Variants in RASSF6 observed in about 807,000 individuals in gnomAD.
The protein encoded by RASSF6 is Ras association domain family member 6.
RASSF6 carries 52 observed loss-of-function variants against 44.0 expected under a neutral mutation model. The ratio of observed to expected loss-of-function variants is 1.18; its 90% CI spans 0.95 to 1.49. RASSF6 has a LOEUF of 1.49. RASSF6 is among the 40% of genes most tolerant of loss of function. RASSF6 has a pLI of 0.00. For synonymous variants in RASSF6, 162 were observed against 124.6 expected (o/e 1.30, Z -2.00); for missense variants, 464 against 393.3 (o/e 1.18, Z -1.52).
Position 73,620,313 on chromosome 4 carries a change from G to T in RASSF6, c.-60C>A, listed in dbSNP as rs2149404078. 3 of 1,468,574 alleles carry T rather than the reference G, an allele frequency of 2.0e-6. No homozygotes were observed. Among genetic ancestry groups the T allele is most frequent in the Admixed American group, 6.1e-5 (2 of 33,042 alleles). The allele number at this position is 1,468,574 out of a possible 1,614,324, so 91.0% of individuals were successfully genotyped here. A position where few individuals can be genotyped will look rare whatever the true frequency, so the allele number is the denominator to read the frequency against. On this transcript the variant is annotated 5_prime_UTR_variant, in exon 1 of 11. Coordinates refer to ENST00000307439, the MANE Select transcript of RASSF6 (RefSeq NM_177532.5). Reference sequence around the variant, plus strand: ...CTGTTATTCACACTGTGAGCAGGAGGACCCTTTTCACCATCGTTGTTCGGC... The same window carrying T: ...CTGTTATTCACACTGTGAGCAGGAGTACCCTTTTCACCATCGTTGTTCGGC...
chr4:73,582,006 G>T, intron 7 of RASSF6, 138 bp from the exon 8 acceptor site: 1 of 700,696 alleles, frequency 1.4e-6, no homozygotes, highest in Non-Finnish European at 2.4e-6. Context: ...GCTCTTATGG[G>T]AATTATATAA....
intron 2 of RASSF6, among the ~76,000 whole-genome samples, chr4:73,600,807 A>C (rs897710797): frequency 6.6e-6 from 1 of 152,172 alleles, no homozygotes; most frequent in African/African-American, 2.4e-5. Context: ...GTTAATGAAC[A>C]TGTCTCTTCT....
intron 1 of RASSF6, among the ~76,000 whole-genome samples, chr4:73,616,643 T>C (rs1726383783): frequency 6.6e-6 from 1 of 152,140 alleles, no homozygotes; most frequent in African/African-American, 2.4e-5. Flanking sequence ...ACAAGGAATA[T>C]ATGTTACATC....
chr4:73,613,484 A>T (rs994732039), intron 1 of RASSF6, among the ~76,000 whole-genome samples: 4 of 152,108 alleles, frequency 2.6e-5, no homozygotes, highest in African/African-American at 7.2e-5. Flanking sequence ...ATAACCCACC[A>T]AAAGGGTTAT....
At chr4:73,592,383 G>A (rs1724619596) in intron 4 of RASSF6, among the ~76,000 whole-genome samples, 1 of 152,168 alleles carries the variant, frequency 6.6e-6, no homozygotes, top group Non-Finnish European at 1.5e-5. Flanking sequence ...AACAATGGAT[G>A]CGAGGATGAA....
chr4:73,620,561 T>A, upstream of RASSF6: 1 of 1,264,484 alleles, frequency 7.9e-7, no homozygotes. Context: ...CCCCAGGAGC[T>A]GTTAATTATT....
intron 2 of RASSF6, among the ~76,000 whole-genome samples, chr4:73,599,196 A>C (rs1045545294): frequency 1.3e-5 from 2 of 152,212 alleles, no homozygotes; most frequent in African/African-American, 2.4e-5. Flanking sequence ...GAATTTCCAC[A>C]GCTGTGAAAT....
chr4:73,585,419 C>T, intron 5 of RASSF6, 55 bp from the exon 6 acceptor site: 1 of 1,251,044 alleles, frequency 8.0e-7, no homozygotes, highest in Non-Finnish European at 1.1e-6. Context: ...TCCTAGCATC[C>T]TGAGTGGATT....
intron 1 of RASSF6, among the ~76,000 whole-genome samples, chr4:73,620,020 G>T (rs144394887): frequency 2.6e-5 from 4 of 152,032 alleles, no homozygotes; most frequent in African/African-American, 7.2e-5. Context: ...GGGAGGAGGG[G>T]TCCTATGGTC....
Position 73,573,834 on chromosome 4 carries a change from G to C in RASSF6, c.*2401C>G, listed in dbSNP as rs538656272. ...TGCCCGCTCCGTGAAAATAGATATA[G>C]ACTCTTGAAATGTTTCCTTTGCAGC... On this transcript the variant is annotated 3_prime_UTR_variant, in exon 11 of 11. Transcript: ENST00000307439. 1 of 152,316 alleles carries C rather than the reference G, an allele frequency of 6.6e-6. No individual in the cohort carries two copies. The highest frequency in any genetic ancestry group is 1.5e-5 in the Non-Finnish European group (1 of 68,038). 9.4% of individuals were successfully genotyped at this position (152,316 alleles called of 1,614,324 possible).
intron 4 of RASSF6, among the ~76,000 whole-genome samples, chr4:73,592,887 C>T (rs1724654068): frequency 1.3e-5 from 2 of 152,142 alleles, no homozygotes; most frequent in Non-Finnish European, 2.9e-5. Flanking sequence ...GGAGTCAAGA[C>T]CACAGGCTGT....
At chr4:73,594,574 C>T (rs1347651705) in intron 3 of RASSF6, among the ~76,000 whole-genome samples, 1 of 152,152 alleles carries the variant, frequency 6.6e-6, no homozygotes, top group Non-Finnish European at 1.5e-5. Flanking sequence ...TTCACAGCGC[C>T]TGGCATTCAA....
intron 1 of RASSF6, among the ~76,000 whole-genome samples, chr4:73,617,880 A>G (rs2149402474): frequency 6.6e-6 from 1 of 152,324 alleles, no homozygotes; most frequent in East Asian, 1.9e-4. Context: ...ATACTTGAAT[A>G]TTTTAAAAAT....
chr4:73,608,462 T>C, intron 2 of RASSF6, among the ~76,000 whole-genome samples: 1 of 152,226 alleles, frequency 6.6e-6, no homozygotes, highest in Non-Finnish European at 1.5e-5. Context: ...GATGACGTTA[T>C]TGACCCTTTT....
intron 8 of RASSF6, 123 bp from the exon 9 acceptor site, chr4:73,576,854 A>G: frequency 4.6e-6 from 3 of 649,334 alleles, no homozygotes; most frequent in Non-Finnish European, 8.1e-6. Context: ...CTGCAACAGG[A>G]GGCAATTACT....
chr4:73,611,167 GC>G (rs756257904), intron 2 of RASSF6, among the ~76,000 whole-genome samples: 1 of 151,970 alleles, frequency 6.6e-6, no homozygotes, highest in African/African-American at 2.4e-5. Flanking sequence ...TCTCCTCTCA[GC>G]CCCCAGCCTC....
intron 1 of RASSF6, chr4:73,616,016 A>G (rs1578070869): frequency 7.6e-7 from 1 of 1,323,518 alleles, no homozygotes. Context: ...AAATGGTTAC[A>G]TATCTAAAAG....
intron 4 of RASSF6, among the ~76,000 whole-genome samples, chr4:73,592,519 C>G (rs558037687): frequency 1.3e-5 from 2 of 152,242 alleles, no homozygotes; most frequent in African/African-American, 2.4e-5. Context: ...AGGTATGTTT[C>G]TTGCTGAGAA....
chr4:73,620,343 C>T lies in RASSF6; in HGVS notation c.-90G>A, dbSNP rs1726620574. On this transcript the variant is annotated 5_prime_UTR_variant, in exon 1 of 11. Coordinates refer to ENST00000307439, the MANE Select transcript of RASSF6 (RefSeq NM_177532.5). Reference sequence around the variant, plus strand: ...TTTTCACCATCGTTGTTCGGCTGAACTTGCTTCGCGGTTTGTTCTCGGCTG... The same window carrying T: ...TTTTCACCATCGTTGTTCGGCTGAATTTGCTTCGCGGTTTGTTCTCGGCTG... The T allele has an allele frequency of 1.3e-6, 2 of 1,488,286 alleles. No individual in the cohort carries two copies. The highest frequency in any genetic ancestry group is 1.5e-5 in the African/African-American group (1 of 68,874). The allele number at this position is 1,488,286 out of a possible 1,614,324, so 92.2% of individuals were successfully genotyped here. A position where few individuals can be genotyped will look rare whatever the true frequency, so the allele number is the denominator to read the frequency against.
Sources: gnomAD v4.1 joint callset for allele counts (sites outside exome capture counted in the v4.1 genomes callset) on GRCh38, gnomAD v4.1.1 for gene constraint, MANE v1.5 for transcripts, NCBI Gene and HGNC (gene_info 2026-07-23, HGNC 2026-07-21) for gene names.